Variants in NDRG1 observed in about 807,000 individuals in gnomAD.
NDRG1 encodes protein NDRG1.
NDRG1 carries 32 observed loss-of-function variants against 56.9 expected under a neutral mutation model. The observed-to-expected ratio is 0.56, with a 90% CI of 0.42 to 0.76. The LOEUF (loss-of-function observed/expected upper bound fraction) is 0.76, where lower values mean the gene tolerates loss of function less well. Among genes scored for constraint, NDRG1 ranks in the 30% least tolerant of loss-of-function variants. The probability of loss-of-function intolerance (pLI) is 0.00; values close to 1 mark genes in which losing one functional copy is unlikely to be tolerated. For missense variants in NDRG1, 507 were observed against 545.7 expected (o/e 0.93, Z 0.71); for synonymous variants, 211 against 204.1 (o/e 1.03, Z -0.29).
chr8:133,238,654 G>A lies in NDRG1; in HGVS notation c.*224C>T. The A allele has an allele frequency of 5.0e-6, 3 of 602,344 alleles. No homozygotes were observed. Among genetic ancestry groups the A allele is most frequent in the Non-Finnish European group, 8.7e-6 (3 of 344,198 alleles). 37.3% of individuals were successfully genotyped at this position (602,344 alleles called of 1,614,324 possible). ...ACTGGTTAATGGAAGAGGATGCGAT[G>A]CGGAGATGCTTGCTTCCTTCCTTTG... On this transcript the variant is annotated 3_prime_UTR_variant, in exon 16 of 16. Transcript: ENST00000323851.
intron 1 of NDRG1, among the ~76,000 whole-genome samples, chr8:133,290,507 C>G (rs542685962): frequency 1.2e-4 from 19 of 152,296 alleles, no homozygotes; most frequent in Admixed American, 2.6e-4. Context: ...ATCAAGCTGG[C>G]TGCTTTAAGG....
chr8:133,256,417 C>G (rs1226138875), intron 8 of NDRG1, among the ~76,000 whole-genome samples: 2 of 152,180 alleles, frequency 1.3e-5, no homozygotes, highest in Admixed American at 1.3e-4. Flanking sequence ...TCTTGTTCAT[C>G]TCAAGAAGTC....
chr8:133,244,207 C>A (rs1564280412), intron 14 of NDRG1, 148 bp downstream of exon 14: 2 of 995,800 alleles, frequency 2.0e-6, no homozygotes, highest in East Asian at 2.6e-5. Flanking sequence ...AATCAGAGTC[C>A]TCCTATATAG....
intron 9 of NDRG1, 115 bp downstream of exon 9, chr8:133,254,422 GGT>G: frequency 1.1e-6 from 1 of 951,214 alleles, no homozygotes; most frequent in Admixed American, 2.2e-5. Flanking sequence ...GCACCAGCTC[GGT>G]GGCCCCCAGT....
intron 1 of NDRG1, among the ~76,000 whole-genome samples, chr8:133,286,465 C>T (rs1404151645): frequency 6.6e-6 from 1 of 152,178 alleles, no homozygotes; most frequent in East Asian, 1.9e-4. Flanking sequence ...TCCCCGTTTC[C>T]TCTATCTGGT....
rs534510394 is a variant in NDRG1 at position 133,259,026 on chromosome 8, G to A, written c.389+142C>T. 14 of 831,990 alleles carry A rather than the reference G, an allele frequency of 1.7e-5. No individual in the cohort carries two copies. In the East Asian group the frequency reaches 1.9e-4, roughly 12 times the overall value. 51.5% of individuals were successfully genotyped at this position (831,990 alleles called of 1,614,324 possible). Reference sequence around the variant, plus strand: ...GACTGTGTGAAGAACAGTGTTCACAGAGTGACGAGCTAATTTCTTGCCTCA... The same window carrying A: ...GACTGTGTGAAGAACAGTGTTCACAAAGTGACGAGCTAATTTCTTGCCTCA... On this transcript the variant is annotated intron_variant, in intron 6 of 15. Coordinates refer to ENST00000323851, the MANE Select transcript of NDRG1 (RefSeq NM_006096.4).
chr8:133,249,349 T>G, intron 10 of NDRG1: 1 of 162,494 alleles, frequency 6.2e-6, no homozygotes, highest in Non-Finnish European at 1.4e-5. Context: ...ATCTTGCAGC[T>G]CCCAACATGA....
intron 5 of NDRG1, among the ~76,000 whole-genome samples, chr8:133,260,334 A>G (rs1856600754): frequency 6.6e-6 from 1 of 152,134 alleles, no homozygotes; most frequent in Non-Finnish European, 1.5e-5. Flanking sequence ...AGGGCCTGGG[A>G]GATGCTCCCT....
chr8:133,280,186 G>A, intron 3 of NDRG1, 46 bp downstream of exon 3: 1 of 1,607,270 alleles, frequency 6.2e-7, no homozygotes, highest in Non-Finnish European at 8.5e-7. Context: ...AGGAAAAAGA[G>A]AAGACGGGAT....
chr8:133,258,478 C>T (rs1379130742), intron 6 of NDRG1, 52 bp from the exon 7 acceptor site: 2 of 1,563,198 alleles, frequency 1.3e-6, no homozygotes, highest in Non-Finnish European at 1.7e-6. Flanking sequence ...TGACGGGAGC[C>T]TCCAAGGACC....
chr8:133,271,589 C>A (rs147493300), intron 3 of NDRG1, among the ~76,000 whole-genome samples: 12 of 151,986 alleles, frequency 7.9e-5, no homozygotes, highest in African/African-American at 1.7e-4. Context: ...TTGAGACCAG[C>A]ATCTGCAACA....
intron 9 of NDRG1, 127 bp downstream of exon 9, chr8:133,254,412 G>T: frequency 1.2e-6 from 1 of 830,600 alleles, no homozygotes; most frequent in Non-Finnish European, 1.9e-6. Context: ...TATCTCATGA[G>T]CACCAGCTCG....
At chr8:133,294,222 CAA>C (rs1858603735) in intron 1 of NDRG1, among the ~76,000 whole-genome samples, 1 of 152,230 alleles carries the variant, frequency 6.6e-6, no homozygotes, top group Non-Finnish European at 1.5e-5. Flanking sequence ...TGTCCGGGTT[CAA>C]AGTCTGGCTC....
chr8:133,283,967 G>A (rs1857955382), intron 2 of NDRG1, among the ~76,000 whole-genome samples: 1 of 152,212 alleles, frequency 6.6e-6, no homozygotes, highest in Non-Finnish European at 1.5e-5. Context: ...AGAGAAGTGG[G>A]CAAGGGGCCC....
intron 14 of NDRG1, 101 bp downstream of exon 14, chr8:133,244,254 G>A: frequency 7.1e-7 from 1 of 1,414,532 alleles, no homozygotes; most frequent in African/African-American, 1.4e-5. Context: ...GTCATCCGAT[G>A]TCACAGCAAG....
Position 133,262,156 on chromosome 8 carries a change from A to G in NDRG1, c.217T>C (p.Tyr73His), listed in dbSNP as rs368584363. Residue 73 changes from tyrosine to histidine, a missense_variant, in exon 5 of 16, where the codon TAC becomes CAC. Physicochemically the swap from Tyr to His is moderately conservative, Grantham distance 83. Transcript: ENST00000323851. Reference protein sequence around the residue: ...HDIGMNHKTCYNPLFNYEDMQ... With the variant: ...HDIGMNHKTCHNPLFNYEDMQ... Reference sequence around the variant, plus strand: ...TCCTCGTAGTTGAAGAGGGGGTTGTAGCAGGTTTTGTCTGAAGAACAGCAG... The same window carrying G: ...TCCTCGTAGTTGAAGAGGGGGTTGTGGCAGGTTTTGTCTGAAGAACAGCAG... 22 of 1,613,978 alleles carry G rather than the reference A, an allele frequency of 1.4e-5. No individual in the cohort carries two copies. The highest frequency in any genetic ancestry group is 1.7e-5 in the Non-Finnish European group (20 of 1,180,026).
At chr8:133,267,307 C>A (rs975692708) in intron 3 of NDRG1, among the ~76,000 whole-genome samples, 1 of 152,204 alleles carries the variant, frequency 6.6e-6, no homozygotes, top group Non-Finnish European at 1.5e-5. Flanking sequence ...CACAGGGACG[C>A]AGCAGTGGTT....
intron 2 of NDRG1, among the ~76,000 whole-genome samples, chr8:133,282,193 G>A (rs763506012): frequency 3.3e-5 from 5 of 152,196 alleles, no homozygotes; most frequent in Non-Finnish European, 7.3e-5. Context: ...AATAAAAAAT[G>A]TTGTTTTAAA....
chr8:133,263,716 G>A (rs1294915665), intron 4 of NDRG1, among the ~76,000 whole-genome samples: 1 of 152,076 alleles, frequency 6.6e-6, no homozygotes, highest in African/African-American at 2.4e-5. Context: ...AGGAGTTCGA[G>A]GTCAGCCTGG....
Sources: gnomAD v4.1 joint callset for allele counts (sites outside exome capture counted in the v4.1 genomes callset) on GRCh38, gnomAD v4.1.1 for gene constraint, MANE v1.5 for transcripts, NCBI Gene and HGNC (gene_info 2026-07-23, HGNC 2026-07-21) for gene names.